The following CRISPLD2 variants were observed in gnomAD, a reference collection of about 807,000 sequenced individuals.
CRISPLD2 encodes cysteine rich secretory protein LCCL domain containing 2.
A neutral mutation model predicts 71.1 loss-of-function variants in CRISPLD2; 47 were observed. That is an observed-to-expected ratio of 0.66 (90% CI 0.52 to 0.84). CRISPLD2 has a LOEUF of 0.84. CRISPLD2 is among the 40% of genes least tolerant of loss of function. The pLI, the probability that CRISPLD2 is intolerant of heterozygous loss-of-function variation, is 0.00. For missense variants in CRISPLD2, 830 were observed against 651.1 expected, an observed-to-expected ratio of 1.27 and a Z score of -2.99; for synonymous variants, 317 against 250.1, an observed-to-expected ratio of 1.27 and a Z score of -2.52.
chr16:84,892,194 A>G (rs1231333617), intron 14 of CRISPLD2, among the ~76,000 whole-genome samples: 1 of 152,180 alleles, frequency 6.6e-6, no homozygotes, highest in African/African-American at 2.4e-5. Context: ...TGTCCAGATC[A>G]ACCCAGAGCT....
At position 84,850,591 on chromosome 16, in the gene CRISPLD2, G is replaced by A; in HGVS notation, c.516G>A (p.Lys172=). ...AGATAGTTTGGGCCACCACCAACAA[G>A]ATCGGTTGTGCTGTGAACACCTGCC... is the stretch of plus-strand genomic sequence containing the variant. ...YTQIVWATTN[K]IGCAVNTCRK... is the part of the protein sequence containing the mutation. Residue 172 remains lysine, a synonymous_variant, in exon 5 of 15, where the codon AAG becomes AAA. Transcript: ENST00000262424. 1.9e-6 allele frequency: 3 copies of A among 1,614,170 alleles called. No homozygotes were observed. The highest frequency in any genetic ancestry group is 1.3e-5 in the African/African-American group (1 of 75,034).
Position 84,882,347 on chromosome 16 carries a change from C to CAAAAAAA in CRISPLD2, c.1305+1781_1305+1787dup, listed in dbSNP as rs80146835. Among the ~76,000 whole-genome samples the CAAAAAAA allele has an allele frequency of 6.2e-3, 480 of 77,268 alleles. 1 individual carries two copies. The highest frequency in any genetic ancestry group is 0.022 in the Middle Eastern group (3 of 134). 50.7% of individuals were successfully genotyped at this position (77,268 alleles called of 152,430 possible). ...CAATATAGCAGCTAAACCAATAAAG[C>CAAAAAAA]AAAAAAAAAAAAAAAAAAAAAAAAG... is the stretch of plus-strand genomic sequence containing the variant. On this transcript the variant is annotated intron_variant, in intron 13 of 14. Coordinates refer to ENST00000262424, the MANE Select transcript of CRISPLD2 (RefSeq NM_031476.4).
intron 1 of CRISPLD2, among the ~76,000 whole-genome samples, chr16:84,837,621 G>T (rs1046021255): frequency 2.6e-5 from 4 of 152,094 alleles, no homozygotes; most frequent in Non-Finnish European, 5.9e-5. Context: ...GTTTCATCGT[G>T]TTAGCCAGGA....
At chr16:84,838,838 G>A in intron 2 of CRISPLD2, 103 bp downstream of exon 2, 2 of 1,415,224 alleles carry the variant, frequency 1.4e-6, no homozygotes, top group Non-Finnish European at 1.9e-6. Flanking sequence ...CAGTGCGTGT[G>A]ATGGCTGGCT....
chr16:84,828,558 T>G (rs1187126976), intron 1 of CRISPLD2, among the ~76,000 whole-genome samples: 2 of 152,182 alleles, frequency 1.3e-5, no homozygotes, highest in Non-Finnish European at 2.9e-5. Context: ...GCTGTTTATC[T>G]TTTAAAGCTT....
chr16:84,880,693 A>AATT, intron 13 of CRISPLD2, 109 bp downstream of exon 13: 2 of 593,716 alleles, frequency 3.4e-6, no homozygotes, highest in Admixed American at 2.9e-5. Flanking sequence ...CCTCTTAGCT[A>AATT]AATTAATTAA....
chr16:84,845,665 C>T, intron 2 of CRISPLD2, 121 bp from the exon 3 acceptor site: 1 of 724,858 alleles, frequency 1.4e-6, no homozygotes, highest in Non-Finnish European at 2.3e-6. Flanking sequence ...CCCAGCAATA[C>T]AGCAGCAGAG....
chr16:84,903,664 A>G (rs2071775598), intron 14 of CRISPLD2, among the ~76,000 whole-genome samples: 1 of 152,022 alleles, frequency 6.6e-6, no homozygotes, highest in Non-Finnish European at 1.5e-5. Context: ...ACGTTAGTGT[A>G]GGGATGGAGA....
At chr16:84,865,725 G>A (rs1917518399) in intron 6 of CRISPLD2, among the ~76,000 whole-genome samples, 1 of 152,138 alleles carries the variant, frequency 6.6e-6, no homozygotes, top group African/African-American at 2.4e-5. Context: ...CAGTGTCTTT[G>A]CTTTAGCTGG....
chr16:84,821,865 C>T (rs1202117695), intron 1 of CRISPLD2, among the ~76,000 whole-genome samples: 1 of 152,216 alleles, frequency 6.6e-6, no homozygotes, highest in Non-Finnish European at 1.5e-5. Context: ...TCACTGCCTG[C>T]TCTATTAGCT....
intron 13 of CRISPLD2, among the ~76,000 whole-genome samples, chr16:84,888,644 G>A (rs1478849566): frequency 6.6e-6 from 1 of 152,212 alleles, no homozygotes; most frequent in Non-Finnish European, 1.5e-5. Context: ...CTGACTCACT[G>A]TATTCCAGCC....
chr16:84,868,485 G>A (rs1054836941), intron 7 of CRISPLD2, among the ~76,000 whole-genome samples: 2 of 152,218 alleles, frequency 1.3e-5, no homozygotes, highest in African/African-American at 4.8e-5. Context: ...CTGCCCTGCA[G>A]AGCCCTGTGG....
At chr16:84,880,134 C>T (rs982808814) in intron 12 of CRISPLD2, among the ~76,000 whole-genome samples, 4 of 152,182 alleles carry the variant, frequency 2.6e-5, no homozygotes, top group South Asian at 2.1e-4. Context: ...GAAAAAGTCT[C>T]TTGATGCTAA....
At chr16:84,826,928 T>C (rs1280830076) in intron 1 of CRISPLD2, among the ~76,000 whole-genome samples, 1 of 152,238 alleles carries the variant, frequency 6.6e-6, no homozygotes, top group Non-Finnish European at 1.5e-5. Context: ...CTTGGACCAC[T>C]CCTGCCCTCT....
chr16:84,896,102 G>A lies in CRISPLD2; in HGVS notation c.1439+6739G>A, dbSNP rs201820381. On this transcript the variant is annotated intron_variant, in intron 14 of 14. Transcript: ENST00000262424. Reference sequence around the variant, plus strand: ...TGCCCAGGCTGGGATGCAGTGGCGCGATCTCCACTCACTGCAACCTCTGCC... The same window carrying A: ...TGCCCAGGCTGGGATGCAGTGGCGCAATCTCCACTCACTGCAACCTCTGCC... Among the ~76,000 whole-genome samples, 18 of 150,846 alleles carry A rather than the reference G, an allele frequency of 1.2e-4. No individual in the cohort carries two copies. In the East Asian group the frequency reaches 1.4e-3, roughly 11 times the overall value.
At chr16:84,849,091 G>T (rs567585326) in intron 3 of CRISPLD2, 1 of 306,918 alleles carries the variant, frequency 3.3e-6, no homozygotes, top group Non-Finnish European at 6.3e-6. Flanking sequence ...GAGACCCCAG[G>T]TGAGCTCCTC....
chr16:84,886,410 A>C (rs2071613737), intron 13 of CRISPLD2, among the ~76,000 whole-genome samples: 1 of 152,188 alleles, frequency 6.6e-6, no homozygotes, highest in Non-Finnish European at 1.5e-5. Context: ...CAAAGGAGCT[A>C]TGAGACTGTG....
intron 12 of CRISPLD2, among the ~76,000 whole-genome samples, chr16:84,879,136 C>G (rs975721998): frequency 5.9e-5 from 9 of 152,192 alleles, no homozygotes; most frequent in African/African-American, 1.9e-4. Flanking sequence ...CTCTGGGCCT[C>G]CACTGCCTCC....
intron 5 of CRISPLD2, 79 bp downstream of exon 5, chr16:84,850,762 C>A: frequency 1.8e-6 from 2 of 1,113,462 alleles, no homozygotes; most frequent in Non-Finnish European, 2.8e-6. Flanking sequence ...TGAAAACTGG[C>A]TTGAGCAGCG....
Sources: allele counts gnomAD v4.1 joint callset (sites outside exome capture counted in the v4.1 genomes callset), GRCh38; gene constraint gnomAD v4.1.1; transcripts MANE v1.5; gene names NCBI Gene and HGNC (gene_info 2026-07-23, HGNC 2026-07-21).